The following RBFOX1 variants were observed in gnomAD, a reference collection of about 807,000 sequenced individuals.
The protein encoded by RBFOX1 is RNA binding protein fox-1 homolog 1.
RBFOX1 carries 8 observed loss-of-function variants against 57.7 expected under a neutral mutation model. The ratio of observed to expected loss-of-function variants is 0.14; its 90% CI spans 0.08 to 0.25. The LOEUF (loss-of-function observed/expected upper bound fraction) is 0.25, where lower values mean the gene tolerates loss of function less well. Among genes scored for constraint, RBFOX1 ranks in the 10% least tolerant of loss-of-function variants. RBFOX1 has a pLI of 1.00. For synonymous variants in RBFOX1, 326 were observed against 222.4 expected (o/e 1.47, Z -4.15); for missense variants, 611 against 548.5 (o/e 1.11, Z -1.14).
intron 1 of RBFOX1, among the ~76,000 whole-genome samples, chr16:6,198,204 C>T (rs1448869281): frequency 6.6e-6 from 1 of 152,136 alleles, no homozygotes; most frequent in African/African-American, 2.4e-5. Context: ...TGATTTTTAT[C>T]ATGCTTCAGA....
chr16:5,681,159 C>T (rs1229965194), intron 3 of RBFOX1, among the ~76,000 whole-genome samples: 1 of 151,774 alleles, frequency 6.6e-6, no homozygotes, highest in Non-Finnish European at 1.5e-5. Context: ...CTGCAAGCTC[C>T]ACCTCCTGGG....
intron 3 of RBFOX1, among the ~76,000 whole-genome samples, chr16:6,975,972 C>A (rs1346337679): frequency 6.6e-6 from 1 of 151,890 alleles, no homozygotes; most frequent in Non-Finnish European, 1.5e-5. Flanking sequence ...CTAAAAAATA[C>A]AAAAATTAGC....
chr16:7,602,400 G>C (rs1297451061), intron 9 of RBFOX1, among the ~76,000 whole-genome samples: 1 of 152,188 alleles, frequency 6.6e-6, no homozygotes, highest in Non-Finnish European at 1.5e-5. Flanking sequence ...GCCCTGGGAG[G>C]CTGGGACCAG....
chr16:7,318,782 C>A (rs917344230), intron 4 of RBFOX1, among the ~76,000 whole-genome samples: 1 of 152,090 alleles, frequency 6.6e-6, no homozygotes. Context: ...ACCGCCAGAC[C>A]CACCCCCCAT....
At chr16:7,178,382 T>A (rs1389387424) in intron 4 of RBFOX1, among the ~76,000 whole-genome samples, 1 of 152,208 alleles carries the variant, frequency 6.6e-6, no homozygotes, top group Non-Finnish European at 1.5e-5. Flanking sequence ...CATAGCTACT[T>A]GCAAGGACAT....
intron 2 of RBFOX1, among the ~76,000 whole-genome samples, chr16:6,342,110 T>C (rs1455241781): frequency 6.6e-6 from 1 of 152,176 alleles, no homozygotes; most frequent in Non-Finnish European, 1.5e-5. Flanking sequence ...AAACAGGAAT[T>C]GGCAAACTAT....
intron 4 of RBFOX1, among the ~76,000 whole-genome samples, chr16:7,217,023 C>CCCTCCCTT (rs2092185561): frequency 4.8e-5 from 4 of 84,122 alleles, no homozygotes; most frequent in African/African-American, 1.9e-4. Flanking sequence ...CTCCCTCCCT[C>CCCTCCCTT]CCTCCCTCCC....
At chr16:5,919,466 C>T (rs1237104476) in intron 4 of RBFOX1, among the ~76,000 whole-genome samples, 2 of 152,074 alleles carry the variant, frequency 1.3e-5, no homozygotes, top group East Asian at 1.9e-4. Context: ...CCTCAGCCTC[C>T]CGAGTAGCTG....
At chr16:6,011,622 T>G (rs1285304605) in intron 4 of RBFOX1, among the ~76,000 whole-genome samples, 2 of 152,180 alleles carry the variant, frequency 1.3e-5, no homozygotes, top group African/African-American at 2.4e-5. Flanking sequence ...AAAATATTTT[T>G]ATTTTTACTC....
intron 4 of RBFOX1, among the ~76,000 whole-genome samples, chr16:7,143,055 G>T (rs554381401): frequency 6.6e-6 from 1 of 152,018 alleles, no homozygotes; most frequent in African/African-American, 2.4e-5. Context: ...TTGTTTATGT[G>T]TGCAGTGTCC....
At position 6,898,041 on chromosome 16, in the gene RBFOX1, C is replaced by T. The variant is rs575917948; in HGVS notation, c.-15-154016C>T. On this transcript the variant is annotated intron_variant, in intron 3 of 15. Transcript: ENST00000550418. ...AGACCAGGTCAGGTTTTTCCTTTTC[C>T]TCGGTGTTTATATAATGCCTGATAC... Among the ~76,000 whole-genome samples the T allele has an allele frequency of 2.6e-5, 4 of 152,230 alleles. No homozygotes were observed. In the South Asian group the frequency reaches 8.3e-4, roughly 32 times the overall value.
chr16:7,150,356 A>G (rs552690021), intron 4 of RBFOX1, among the ~76,000 whole-genome samples: 8 of 152,242 alleles, frequency 5.3e-5, no homozygotes, highest in South Asian at 4.2e-4. Flanking sequence ...TGCCCACCCT[A>G]CGTTAATGCC....
chr16:5,280,131 GT>G (rs2063236764), intron 1 of RBFOX1, among the ~76,000 whole-genome samples: 1 of 152,160 alleles, frequency 6.6e-6, no homozygotes, highest in Non-Finnish European at 1.5e-5. Context: ...TTTGTTGAGA[GT>G]TTTCATTATG....
At chr16:6,528,429 A>C (rs1234166765) in intron 2 of RBFOX1, among the ~76,000 whole-genome samples, 1 of 152,200 alleles carries the variant, frequency 6.6e-6, no homozygotes, top group Non-Finnish European at 1.5e-5. Context: ...AGCCAATAAA[A>C]CATGACCTTG....
At chr16:5,792,296 A>G (rs2054729061) in intron 3 of RBFOX1, among the ~76,000 whole-genome samples, 1 of 152,154 alleles carries the variant, frequency 6.6e-6, no homozygotes, top group Non-Finnish European at 1.5e-5. Context: ...GTTCTCTTAG[A>G]TACACTAGAG....
chr16:6,285,654 G>T (rs1395787153), intron 1 of RBFOX1, among the ~76,000 whole-genome samples: 1 of 152,108 alleles, frequency 6.6e-6, no homozygotes, highest in African/African-American at 2.4e-5. Context: ...ACGTTGGCTT[G>T]AATCTGTTCC....
At chr16:7,580,407 T>A (rs767340750) in intron 6 of RBFOX1, among the ~76,000 whole-genome samples, 1 of 152,188 alleles carries the variant, frequency 6.6e-6, no homozygotes, top group Non-Finnish European at 1.5e-5. Context: ...AACAACTACT[T>A]CTGCATAAAG....
chr16:5,860,679 G>A (rs1597531838), intron 3 of RBFOX1, among the ~76,000 whole-genome samples: 1 of 152,170 alleles, frequency 6.6e-6, no homozygotes, highest in Non-Finnish European at 1.5e-5. Context: ...AGGCAATTGT[G>A]CTATTTCTAG....
intron 3 of RBFOX1, among the ~76,000 whole-genome samples, chr16:5,731,934 A>G (rs746774287): frequency 1.3e-5 from 2 of 152,148 alleles, no homozygotes; most frequent in Non-Finnish European, 2.9e-5. Context: ...TGTTTAATGG[A>G]AGGTCCTCTC....
Sources: gnomAD v4.1 joint callset for allele counts (sites outside exome capture counted in the v4.1 genomes callset) on GRCh38, gnomAD v4.1.1 for gene constraint, MANE v1.5 for transcripts, NCBI Gene and HGNC (gene_info 2026-07-23, HGNC 2026-07-21) for gene names.